The following SGCZ variants were observed in gnomAD, a reference collection of about 807,000 sequenced individuals.
SGCZ encodes the protein zeta-sarcoglycan.
A neutral mutation model predicts 41.3 loss-of-function variants in SGCZ; 40 were observed. The observed-to-expected ratio is 0.97, with a 90% CI of 0.75 to 1.26. The LOEUF (loss-of-function observed/expected upper bound fraction) is 1.26. Among genes scored for constraint, SGCZ ranks in the 50% most tolerant of loss-of-function variants. The pLI is 0.00. For synonymous variants in SGCZ, 206 were observed against 137.5 expected (o/e 1.50, Z -3.49); for missense variants, 552 against 369.8 (o/e 1.49, Z -4.04).
chr8:14,358,024 A>G (rs1303446959), intron 2 of SGCZ, among the ~76,000 whole-genome samples: 1 of 152,164 alleles, frequency 6.6e-6, no homozygotes, highest in Non-Finnish European at 1.5e-5. Flanking sequence ...TAAATTGACA[A>G]TGGCCCGTGT....
At chr8:15,218,354 A>C (rs1801485466) in intron 1 of SGCZ, among the ~76,000 whole-genome samples, 1 of 152,216 alleles carries the variant, frequency 6.6e-6, no homozygotes, top group African/African-American at 2.4e-5. Flanking sequence ...AAAGTAGTTA[A>C]ACTTGGTGAG....
chr8:14,895,592 G>A (rs1281691289), intron 1 of SGCZ, among the ~76,000 whole-genome samples: 1 of 152,170 alleles, frequency 6.6e-6, no homozygotes, highest in East Asian at 1.9e-4. Flanking sequence ...GAAGATGTAA[G>A]TGGTATTACC....
At chr8:14,558,613 A>AGAGAGAGAGAGAGAGAGAGAGAGAG (rs59852253) in intron 1 of SGCZ, among the ~76,000 whole-genome samples, 2 of 148,538 alleles carry the variant, frequency 1.3e-5, no homozygotes, top group Non-Finnish European at 3.0e-5. Context: ...AGAGAGAGAG[A>AGAGAGAGAGAGAGAGAGAGAGAGAG]ATCTTCCATA....
rs1010166173 is a variant in SGCZ at position 14,319,287 on chromosome 8, C to G, written c.336+4816G>C. Among the ~76,000 whole-genome samples, 5 of 151,836 alleles carry G rather than the reference C, an allele frequency of 3.3e-5. No individual in the cohort carries two copies. In the East Asian group the frequency reaches 9.7e-4, roughly 29 times the overall value. ...CAAAAGGAGAAAAATACCAAGGTGC[C>G]CTTGGATTTCTTCCGGCAATATTCA... is the stretch of plus-strand genomic sequence containing the variant. On this transcript the variant is annotated intron_variant, in intron 3 of 7. Transcript: ENST00000382080.
At chr8:14,383,093 A>G (rs944119645) in intron 2 of SGCZ, among the ~76,000 whole-genome samples, 1 of 152,198 alleles carries the variant, frequency 6.6e-6, no homozygotes, top group Non-Finnish European at 1.5e-5. Flanking sequence ...GAAGAATGGC[A>G]TCTGTTGGGT....
intron 4 of SGCZ, among the ~76,000 whole-genome samples, chr8:14,178,065 C>G (rs67735428): frequency 0.25 from 37,356 of 148,612 alleles, 6,238 homozygotes; most frequent in African/African-American, 0.48. Context: ...TCAAGGGACT[C>G]TCGTGCCTCA....
At chr8:14,705,644 A>G (rs1192552148) in intron 1 of SGCZ, among the ~76,000 whole-genome samples, 1 of 152,036 alleles carries the variant, frequency 6.6e-6, no homozygotes, top group Admixed American at 6.6e-5. Flanking sequence ...TTACAGCCCT[A>G]ATTGCCTAAG....
chr8:14,913,101 G>T (rs1799325956), intron 1 of SGCZ, among the ~76,000 whole-genome samples: 1 of 151,860 alleles, frequency 6.6e-6, no homozygotes, highest in Non-Finnish European at 1.5e-5. Flanking sequence ...AATTTAAAAA[G>T]GTGTACAAAT....
At chr8:14,134,149 T>C (rs1053255036) in intron 5 of SGCZ, among the ~76,000 whole-genome samples, 1 of 152,224 alleles carries the variant, frequency 6.6e-6, no homozygotes, top group Admixed American at 6.5e-5. Flanking sequence ...TTTACATTTG[T>C]ATACACTGCA....
intron 1 of SGCZ, among the ~76,000 whole-genome samples, chr8:14,572,894 A>G (rs1484309000): frequency 6.6e-6 from 1 of 152,194 alleles, no homozygotes; most frequent in Non-Finnish European, 1.5e-5. Flanking sequence ...CTGTTTTCTT[A>G]ACCATGTCAG....
At chr8:14,370,909 A>T (rs760929943) in intron 2 of SGCZ, among the ~76,000 whole-genome samples, 10 of 152,008 alleles carry the variant, frequency 6.6e-5, no homozygotes, top group Non-Finnish European at 1.2e-4. Flanking sequence ...AGGAAGCCCC[A>T]CAGAATGTGG....
At chr8:15,173,128 C>T (rs111809599) in intron 1 of SGCZ, among the ~76,000 whole-genome samples, 11 of 152,250 alleles carry the variant, frequency 7.2e-5, no homozygotes, top group African/African-American at 2.4e-4. Context: ...TATTGAAAAG[C>T]CCAGGCTTGC....
Position 14,093,890 on chromosome 8 carries a change from A to G in SGCZ, c.745-3253T>C, listed in dbSNP as rs565585470. Among the ~76,000 whole-genome samples, 16 of 152,166 alleles carry G rather than the reference A, an allele frequency of 1.1e-4. No homozygotes were observed. In the South Asian group the frequency reaches 3.1e-3, roughly 30 times the overall value. ...AGTAAAAATCCATTTGTAATGTTAC[A>G]TTTGTATTCATTCATTGTTTGTTTC... On this transcript the variant is annotated intron_variant, in intron 7 of 7. Coordinates refer to ENST00000382080, the MANE Select transcript of SGCZ (RefSeq NM_139167.4).
rs182060086 is a variant in SGCZ, at chr8:14,710,054, C to T, written c.40-155128G>A. Among the ~76,000 whole-genome samples the T allele has an allele frequency of 8.6e-3, 1,304 of 152,242 alleles. 9 individuals are homozygous for T. Among genetic ancestry groups the T allele is most frequent in the Middle Eastern group, 0.024 (7 of 294 alleles). ...CACAAGTCAGAGAGCAATTCTCAAA[C>T]ATGAAGAAATTTCTTAAGAATAAAT... On this transcript the variant is annotated intron_variant, in intron 1 of 7. Transcript: ENST00000382080.
intron 2 of SGCZ, among the ~76,000 whole-genome samples, chr8:14,447,007 A>G (rs1800452163): frequency 6.6e-6 from 1 of 152,210 alleles, no homozygotes; most frequent in Admixed American, 6.5e-5. Flanking sequence ...TATAAACATG[A>G]AAATAGCAAA....
intron 1 of SGCZ, among the ~76,000 whole-genome samples, chr8:14,958,071 C>T (rs1800847830): frequency 6.6e-6 from 1 of 152,152 alleles, no homozygotes. Flanking sequence ...TAGCATTTTA[C>T]TCATGAAAGA....
intron 3 of SGCZ, among the ~76,000 whole-genome samples, chr8:14,273,163 T>C (rs1800116737): frequency 6.6e-6 from 1 of 152,022 alleles, no homozygotes. Flanking sequence ...GCCTTTATTT[T>C]AAATGAGTAC....
intron 1 of SGCZ, among the ~76,000 whole-genome samples, chr8:15,064,778 T>C (rs1245460633): frequency 1.3e-5 from 2 of 152,148 alleles, no homozygotes; most frequent in Non-Finnish European, 2.9e-5. Context: ...TGAGCTCCCA[T>C]CTCCTGCAGG....
intron 1 of SGCZ, among the ~76,000 whole-genome samples, chr8:14,870,199 A>T (rs991693128): frequency 6.6e-6 from 1 of 152,196 alleles, no homozygotes; most frequent in African/African-American, 2.4e-5. Context: ...TAACCAAAAC[A>T]GTACGGTACT....
Sources: allele counts gnomAD v4.1 joint callset (sites outside exome capture counted in the v4.1 genomes callset), GRCh38; gene constraint gnomAD v4.1.1; transcripts MANE v1.5; gene names NCBI Gene and HGNC (gene_info 2026-07-23, HGNC 2026-07-21).